GREB1L: variants seen among roughly 807,000 people sequenced by gnomAD.
GREB1L encodes the protein GREB1-like protein.
GREB1L carries 17 observed loss-of-function variants against 200.8 expected under a neutral mutation model. The observed-to-expected ratio is 0.08, with a 90% CI of 0.06 to 0.13. The LOEUF is 0.13. GREB1L is among the 10% of genes least tolerant of loss of function. The pLI, the probability that GREB1L is intolerant of heterozygous loss-of-function variation, is 1.00. For synonymous variants in GREB1L, 789 were observed against 893.0 expected, an observed-to-expected ratio of 0.88 and a Z score of 2.08; for missense variants, 1,657 against 2,367.7, an observed-to-expected ratio of 0.70 and a Z score of 6.23.
At chr18:21,340,171 A>T (rs918200898) in intron 1 of GREB1L, among the ~76,000 whole-genome samples, 1 of 152,114 alleles carries the variant, frequency 6.6e-6, no homozygotes. Flanking sequence ...TAATCCCAGC[A>T]CTTTGGGAGG....
chr18:21,345,888 A>T (rs1393674654), intron 1 of GREB1L, among the ~76,000 whole-genome samples: 1 of 151,738 alleles, frequency 6.6e-6, no homozygotes, highest in East Asian at 1.9e-4. Context: ...AAAAAAAAAA[A>T]AGTACTTACA....
chr18:21,456,895 AT>A (rs1196690738), intron 15 of GREB1L, among the ~76,000 whole-genome samples: 2 of 151,676 alleles, frequency 1.3e-5, no homozygotes, highest in Non-Finnish European at 2.9e-5. Flanking sequence ...TTTCATATGG[AT>A]TTTTTTCCTT....
At chr18:21,273,335 A>G (rs867406699) in intron 1 of GREB1L, among the ~76,000 whole-genome samples, 4 of 152,250 alleles carry the variant, frequency 2.6e-5, no homozygotes, top group Non-Finnish European at 2.9e-5. Context: ...ATCTAGTTCT[A>G]TTCAAGTGAT....
intron 1 of GREB1L, among the ~76,000 whole-genome samples, chr18:21,269,331 A>AT (rs1367406450): frequency 6.6e-5 from 10 of 151,986 alleles, no homozygotes; most frequent in African/African-American, 1.9e-4. Context: ...TCATTCCATA[A>AT]TTTTTTTTAC....
intron 1 of GREB1L, among the ~76,000 whole-genome samples, chr18:21,296,742 C>T (rs1779974813): frequency 6.6e-6 from 1 of 151,684 alleles, no homozygotes; most frequent in Non-Finnish European, 1.5e-5. Context: ...GCAACCTGCA[C>T]CTCATGGGTT....
At chr18:21,419,542 T>G (rs559627016) in intron 7 of GREB1L, among the ~76,000 whole-genome samples, 21 of 152,296 alleles carry the variant, frequency 1.4e-4, no homozygotes, top group Non-Finnish European at 2.9e-4. Flanking sequence ...AACCTCCACC[T>G]CCCTTCAAGG....
intron 1 of GREB1L, among the ~76,000 whole-genome samples, chr18:21,331,644 C>T (rs1392941818): frequency 2.0e-5 from 3 of 152,202 alleles, no homozygotes; most frequent in African/African-American, 7.2e-5. Context: ...TCCTCCTGTT[C>T]CTCATGCAGA....
rs1222857578 is a variant in GREB1L, at chr18:21,513,951, C to T, written c.4866C>T (p.Val1622=). The change falls in exon 28 of 33, where the codon GTC becomes GTT. Residue 1622 remains valine, a synonymous_variant. Coordinates refer to ENST00000424526, the MANE Select transcript of GREB1L (RefSeq NM_001142966.3). The part of the protein sequence containing the change: ...PFIVMMDDSC[V]LWNIHSVQEP... ...TCGTCATGATGGATGACTCATGTGT[C>T]CTATGGAACATTCACAGTGTTCAGG... 1 of 1,551,652 alleles carries T rather than the reference C, an allele frequency of 6.4e-7. No individual in the cohort carries two copies. Among genetic ancestry groups the T allele is most frequent in the Non-Finnish European group, 8.7e-7 (1 of 1,146,976 alleles).
intron 27 of GREB1L, among the ~76,000 whole-genome samples, chr18:21,511,626 A>C (rs2037240979): frequency 6.6e-6 from 1 of 152,072 alleles, no homozygotes; most frequent in African/African-American, 2.4e-5. Flanking sequence ...ATTCTTTTGC[A>C]TGTGACTATC....
chr18:21,450,075 C>T (rs1003110807), intron 12 of GREB1L, among the ~76,000 whole-genome samples: 13 of 152,162 alleles, frequency 8.5e-5, no homozygotes, highest in African/African-American at 3.1e-4. Context: ...CAAAGCTCTC[C>T]CTAGTAACAG....
At chr18:21,256,898 A>T (rs909372090) in intron 1 of GREB1L, among the ~76,000 whole-genome samples, 1 of 151,634 alleles carries the variant, frequency 6.6e-6, no homozygotes, top group Non-Finnish European at 1.5e-5. Flanking sequence ...CTAGCTACTC[A>T]AGAGGCTGAG....
At chr18:21,446,905 C>A (rs1159639006) in intron 11 of GREB1L, among the ~76,000 whole-genome samples, 1 of 152,136 alleles carries the variant, frequency 6.6e-6, no homozygotes, top group Non-Finnish European at 1.5e-5. Context: ...GTCAGAAAAT[C>A]TTTGAAGTAG....
chr18:21,437,088 CTT>C (rs1007044849), intron 7 of GREB1L, among the ~76,000 whole-genome samples: 1 of 152,002 alleles, frequency 6.6e-6, no homozygotes, highest in Non-Finnish European at 1.5e-5. Context: ...GGAAACTTTT[CTT>C]TTTTCTTTCT....
chr18:21,355,589 A>T (rs1380234600), intron 1 of GREB1L, among the ~76,000 whole-genome samples: 1 of 152,194 alleles, frequency 6.6e-6, no homozygotes, highest in Non-Finnish European at 1.5e-5. Flanking sequence ...CCACAGACTA[A>T]ACCCTGTGGA....
intron 1 of GREB1L, among the ~76,000 whole-genome samples, chr18:21,305,629 T>C (rs546078934): frequency 6.6e-6 from 1 of 152,324 alleles, no homozygotes; most frequent in Admixed American, 6.5e-5. Context: ...CAGTCTATTC[T>C]TCATGCAAAG....
chr18:21,277,149 C>CA (rs1369281575), intron 1 of GREB1L, among the ~76,000 whole-genome samples: 3 of 152,016 alleles, frequency 2.0e-5, no homozygotes, highest in Non-Finnish European at 4.4e-5. Flanking sequence ...AGGATGGTCT[C>CA]AATCTCCTGA....
chr18:21,391,706 A>G (rs893997624), intron 4 of GREB1L, among the ~76,000 whole-genome samples: 1 of 152,220 alleles, frequency 6.6e-6, no homozygotes, highest in Admixed American at 6.5e-5. Flanking sequence ...AATAGTGTGT[A>G]ATCTTTTGAA....
At chr18:21,433,942 GC>G (rs1352179112) in intron 7 of GREB1L, among the ~76,000 whole-genome samples, 2 of 151,950 alleles carry the variant, frequency 1.3e-5, no homozygotes, top group East Asian at 3.9e-4. Flanking sequence ...CTCTTCCACA[GC>G]CTGTCTCTGA....
intron 1 of GREB1L, among the ~76,000 whole-genome samples, chr18:21,252,511 C>T (rs1199416596): frequency 3.8e-4 from 51 of 135,078 alleles, no homozygotes; most frequent in African/African-American, 1.3e-3. Context: ...GAGCCGAGAT[C>T]GCACCATTGC....
Sources: gnomAD v4.1 joint callset for allele counts (sites outside exome capture counted in the v4.1 genomes callset) on GRCh38, gnomAD v4.1.1 for gene constraint, MANE v1.5 for transcripts, NCBI Gene and HGNC (gene_info 2026-07-23, HGNC 2026-07-21) for gene names.